PRMT7: variants seen among roughly 807,000 people sequenced by gnomAD.
The protein encoded by PRMT7 is protein arginine methyltransferase 7.
A neutral mutation model predicts 85.4 loss-of-function variants in PRMT7; 75 were observed. The ratio of observed to expected loss-of-function variants is 0.88; its 90% CI spans 0.73 to 1.06. The LOEUF (loss-of-function observed/expected upper bound fraction) is 1.06. PRMT7 is among the 50% of genes least tolerant of loss of function. The pLI, the probability that PRMT7 is intolerant of heterozygous loss-of-function variation, is 0.00. For missense variants in PRMT7, 868 were observed against 915.2 expected (o/e 0.95, Z 0.67); for synonymous variants, 397 against 359.5 (o/e 1.10, Z -1.18).
At chr16:68,348,279 T>C in intron 13 of PRMT7, 63 bp from the exon 14 acceptor site, 1 of 1,353,722 alleles carries the variant, frequency 7.4e-7, no homozygotes, top group East Asian at 2.3e-5. Flanking sequence ...TGAGAGATTT[T>C]TTTTTCCTGA....
In PRMT7 at chr16:68,358,544, C is replaced by T. The variant is rs2088980968; in HGVS notation, c.*1320C>T. The T allele has an allele frequency of 6.6e-6, 1 of 152,520 alleles. No individual in the cohort carries two copies. Among genetic ancestry groups the T allele is most frequent in the Non-Finnish European group, 1.5e-5 (1 of 68,034 alleles). 9.4% of individuals were successfully genotyped at this position (152,520 alleles called of 1,614,324 possible). A position where few individuals can be genotyped will look rare whatever the true frequency, so the allele number is the denominator to read the frequency against. ...CCTAATGTCCCATGAAGATACAATACAGAAAAAAATACAGAAATTAAAAAA... is the reference window on the plus strand; with the variant it reads ...CCTAATGTCCCATGAAGATACAATATAGAAAAAAATACAGAAATTAAAAAA... On this transcript the variant is annotated 3_prime_UTR_variant, in exon 19 of 19. Transcript: ENST00000441236.
At chr16:68,340,000 C>A in intron 9 of PRMT7, 32 bp downstream of exon 9, 1 of 1,566,892 alleles carries the variant, frequency 6.4e-7, no homozygotes, top group South Asian at 1.2e-5. Flanking sequence ...TGTGCCCTGT[C>A]AGGAAACTTG....
intron 6 of PRMT7, among the ~76,000 whole-genome samples, chr16:68,329,821 A>G (rs1453759833): frequency 6.6e-6 from 1 of 152,036 alleles, no homozygotes; most frequent in Non-Finnish European, 1.5e-5. Context: ...TGCATACAAC[A>G]TGAACAATTT....
chr16:68,347,401 G>A, intron 12 of PRMT7, 107 bp downstream of exon 12: 3 of 1,223,546 alleles, frequency 2.5e-6, no homozygotes, highest in Non-Finnish European at 3.4e-6. Context: ...AAAGGCCACT[G>A]TTGTGGGCAC....
chr16:68,353,607 C>G (rs369624099), intron 16 of PRMT7, 41 bp downstream of exon 16: 38 of 1,496,048 alleles, frequency 2.5e-5, no homozygotes, highest in Non-Finnish European at 3.1e-5. Context: ...CCGACCTGCT[C>G]CTGTATCGCA....
At chr16:68,328,697 A>G (rs1328487356) in intron 5 of PRMT7, among the ~76,000 whole-genome samples, 2 of 151,836 alleles carry the variant, frequency 1.3e-5, no homozygotes, top group African/African-American at 4.8e-5. Context: ...AGGATGACCT[A>G]CTTACTCACA....
chr16:68,353,276 GGAGAGGACTCA>G, intron 15 of PRMT7: 1 of 1,012,300 alleles, frequency 9.9e-7, no homozygotes, highest in Non-Finnish European at 1.4e-6. Context: ...GTCCCTTATA[GGAGAGGACTCA>G]GGTGTCACGT....
chr16:68,313,480 T>C (rs548714847), intron 2 of PRMT7, among the ~76,000 whole-genome samples: 1 of 152,332 alleles, frequency 6.6e-6, no homozygotes, highest in East Asian at 1.9e-4. Flanking sequence ...TGATATAATG[T>C]GCATGATTGT....
At chr16:68,329,258 A>C in intron 6 of PRMT7, 84 bp downstream of exon 6, 1 of 1,011,762 alleles carries the variant, frequency 9.9e-7, no homozygotes. Flanking sequence ...CCTGGAACAA[A>C]TCCAGGTCAT....
At chr16:68,348,118 G>A (rs941693256) in intron 13 of PRMT7, among the ~76,000 whole-genome samples, 1 of 152,100 alleles carries the variant, frequency 6.6e-6, no homozygotes, top group Non-Finnish European at 1.5e-5. Flanking sequence ...TGCACATGCG[G>A]GAGAAATTTC....
At chr16:68,342,350 A>AT (rs2085673555) in intron 9 of PRMT7, among the ~76,000 whole-genome samples, 1 of 152,226 alleles carries the variant, frequency 6.6e-6, no homozygotes, top group Non-Finnish European at 1.5e-5. Context: ...GGACCCAGGA[A>AT]TGATTAAGGG....
At chr16:68,329,898 C>T (rs1048831233) in intron 6 of PRMT7, among the ~76,000 whole-genome samples, 2 of 151,552 alleles carry the variant, frequency 1.3e-5, no homozygotes, top group Non-Finnish European at 2.9e-5. Flanking sequence ...CACACACACA[C>T]ATATTTTTTT....
intron 16 of PRMT7, 36 bp from the exon 17 acceptor site, chr16:68,355,687 T>TGTCTCTGCAGCCCC (rs2088281321): frequency 6.7e-7 from 1 of 1,488,254 alleles, no homozygotes; most frequent in South Asian, 1.3e-5. Flanking sequence ...GCTGCCGGCC[T>TGTCTCTGCAGCCCC]GTCTCTGCAG....
Position 68,346,193 on chromosome 16 carries a change from C to T in PRMT7, c.1104C>T (p.Cys368=). ...RVRQMRPVCD[C]QAHLLWNRPR... is the part of the protein sequence containing the mutation. ...GCCAGATGCGCCCCGTGTGTGACTG[C>T]CAGGCTCACCTGCTCTGGAACCGGC... The change falls in exon 11 of 19, where the codon TGC becomes TGT. Residue 368 remains cysteine (C), a synonymous_variant. Coordinates refer to ENST00000441236, the MANE Select transcript of PRMT7 (RefSeq NM_019023.5). The T allele has an allele frequency of 6.2e-7, 1 of 1,614,158 alleles. No individual in the cohort carries two copies. Among genetic ancestry groups the T allele is most frequent in the Non-Finnish European group, 8.5e-7 (1 of 1,180,034 alleles).
chr16:68,352,002 G>C (rs2087449638), intron 14 of PRMT7: 3 of 433,176 alleles, frequency 6.9e-6, no homozygotes, highest in Non-Finnish European at 1.3e-5. Flanking sequence ...CTCATGTCTG[G>C]TTGTAATCTT....
intron 14 of PRMT7, among the ~76,000 whole-genome samples, chr16:68,349,895 T>TA (rs201569471): frequency 0.012 from 1,774 of 151,950 alleles, 35 homozygotes; most frequent in Non-Finnish European, 0.014. Flanking sequence ...ACCTTGTCTC[T>TA]AAAAAAAATG....
chr16:68,318,115 T>C (rs370553174), intron 3 of PRMT7, among the ~76,000 whole-genome samples: 14 of 152,154 alleles, frequency 9.2e-5, no homozygotes, highest in Admixed American at 8.5e-4. Context: ...TATCTCACAG[T>C]ATAATACAAT....
At chr16:68,337,105 C>G (rs2084806646) in intron 6 of PRMT7, among the ~76,000 whole-genome samples, 1 of 152,112 alleles carries the variant, frequency 6.6e-6, no homozygotes, top group South Asian at 2.1e-4. Flanking sequence ...CCAGGCTGAT[C>G]TCAAACTCCT....
Position 68,324,715 on chromosome 16 carries a change from C to G in PRMT7, c.165C>G (p.Ala55=), listed in dbSNP as rs778915576. Residue 55 remains alanine (A), a synonymous_variant, in exon 5 of 19, where the codon GCC becomes GCG. Transcript: ENST00000441236. ...NVKYYQGIRA[A]VSRVKDRGQK... is the part of the protein sequence containing the mutation. ...AATACTACCAAGGTATCCGGGCTGC[C>G]GTGAGCAGGGTGAAGGACAGAGGAC... 6.2e-7 allele frequency: 1 copy of G among 1,614,112 alleles called. No individual in the cohort carries two copies. The highest frequency in any genetic ancestry group is 1.1e-5 in the South Asian group (1 of 91,092).
Sources: allele counts gnomAD v4.1 joint callset (sites outside exome capture counted in the v4.1 genomes callset), GRCh38; gene constraint gnomAD v4.1.1; transcripts MANE v1.5; gene names NCBI Gene and HGNC (gene_info 2026-07-23, HGNC 2026-07-21).